Variants in EPHA5 observed in about 807,000 individuals in gnomAD.
The protein encoded by EPHA5 is EPH receptor A5, also known as ephrin type-A receptor 5.
A neutral mutation model predicts 105.0 loss-of-function variants in EPHA5; 60 were observed. The ratio of observed to expected loss-of-function variants is 0.57; its 90% CI spans 0.46 to 0.71. EPHA5 has a LOEUF of 0.71. Ranked by LOEUF, EPHA5 falls within the 30% of genes least tolerant of loss-of-function variation. EPHA5 has a pLI of 0.00. For synonymous variants in EPHA5, 513 were observed against 449.1 expected (o/e 1.14, Z -1.80); for missense variants, 1,218 against 1,274.7 (o/e 0.96, Z 0.68).
chr4:65,345,011 A>T (rs1722080228), intron 14 of EPHA5, among the ~76,000 whole-genome samples: 1 of 152,176 alleles, frequency 6.6e-6, no homozygotes, highest in Admixed American at 6.5e-5. Context: ...TGTGATGGTA[A>T]ATAAGTCATT....
chr4:65,431,136 A>C (rs1724930886), intron 5 of EPHA5, among the ~76,000 whole-genome samples: 2 of 152,262 alleles, frequency 1.3e-5, no homozygotes, highest in East Asian at 3.9e-4. Context: ...ATAAATCCTC[A>C]CAACGATTAA....
chr4:65,372,721 ACC>A (rs1718606740), intron 8 of EPHA5, among the ~76,000 whole-genome samples: 2 of 151,820 alleles, frequency 1.3e-5, no homozygotes, highest in Non-Finnish European at 2.9e-5. Context: ...GGTGCTAACA[ACC>A]CTATGATTAA....
At chr4:65,624,223 G>A (rs1290789836) in intron 2 of EPHA5, among the ~76,000 whole-genome samples, 1 of 152,054 alleles carries the variant, frequency 6.6e-6, no homozygotes, top group African/African-American at 2.4e-5. Flanking sequence ...ATGCTTCAGA[G>A]AATGTTAGAG....
chr4:65,417,092 G>T (rs990270653), intron 6 of EPHA5, among the ~76,000 whole-genome samples: 2 of 152,218 alleles, frequency 1.3e-5, no homozygotes, highest in African/African-American at 4.8e-5. Flanking sequence ...GAGCCAGCTG[G>T]CAAACACCCT....
At position 65,490,632 on chromosome 4, in the gene EPHA5, T is replaced by C. The variant is rs1331418601; in HGVS notation, c.1147A>G (p.Thr383Ala). The C allele has an allele frequency of 1.2e-6, 2 of 1,614,022 alleles. No homozygotes were observed. The highest frequency in any genetic ancestry group is 1.3e-5 in the African/African-American group (1 of 74,910). Residue 383 changes from threonine (T) to alanine (A), a missense_variant, in exon 5 of 17, where the codon ACT becomes GCT. By Grantham distance (58) the Thr-to-Ala change is moderately conservative (BLOSUM62 0). Transcript: ENST00000613740. ...VFLEWIPPAD[T>A]GGRKDVSYYI... is the part of the protein sequence containing the mutation. ...TATGACACGTCTTTCCTTCCACCAG[T>C]GTCAGCAGGCGGAATCCATTCCAGA...
At chr4:65,533,275 T>G (rs947467295) in intron 3 of EPHA5, among the ~76,000 whole-genome samples, 3 of 152,158 alleles carry the variant, frequency 2.0e-5, no homozygotes, top group Admixed American at 2.0e-4. Context: ...TGTTTTCCAT[T>G]TGAAAAATTT....
intron 3 of EPHA5, chr4:65,573,668 G>A: frequency 6.2e-7 from 1 of 1,600,708 alleles, no homozygotes; most frequent in South Asian, 1.1e-5. Flanking sequence ...CCATGTACAA[G>A]AGGAAGTACT....
intron 8 of EPHA5, among the ~76,000 whole-genome samples, chr4:65,379,124 G>A (rs574250183): frequency 1.3e-5 from 2 of 151,924 alleles, no homozygotes; most frequent in East Asian, 1.9e-4. Flanking sequence ...TAACTGCATC[G>A]TGATTGGCTA....
intron 5 of EPHA5, among the ~76,000 whole-genome samples, chr4:65,458,022 C>A (rs974002659): frequency 7.4e-6 from 1 of 134,828 alleles, no homozygotes; most frequent in Non-Finnish European, 1.5e-5. Flanking sequence ...TGCAGTGAGC[C>A]GAGATTACAC....
intron 2 of EPHA5, among the ~76,000 whole-genome samples, chr4:65,632,134 A>G (rs1010495808): frequency 2.0e-5 from 3 of 152,214 alleles, no homozygotes; most frequent in Admixed American, 1.3e-4. Context: ...AGATTAACTA[A>G]TTTGTTACAC....
chr4:65,557,115 T>C (rs1738523598), intron 3 of EPHA5, among the ~76,000 whole-genome samples: 1 of 151,398 alleles, frequency 6.6e-6, no homozygotes, highest in Non-Finnish European at 1.5e-5. Context: ...TTATAATTTA[T>C]ATGGAATATT....
chr4:65,576,167 AAAGGAAGGAAGG>A (rs141356860), intron 3 of EPHA5, among the ~76,000 whole-genome samples: 5 of 148,066 alleles, frequency 3.4e-5, no homozygotes, highest in Non-Finnish European at 7.5e-5. Context: ...GAGAGAAAGT[AAAGGAAGGAAGG>A]AAGGAAGGAA....
chr4:65,473,621 C>A (rs1729503874), intron 5 of EPHA5, among the ~76,000 whole-genome samples: 2 of 151,998 alleles, frequency 1.3e-5, no homozygotes, highest in Admixed American at 6.6e-5. Context: ...GAAACTGGCC[C>A]CATGATACAA....
In EPHA5 at chr4:65,602,308, T is replaced by C. The variant is rs770934174; in HGVS notation, c.247-4A>G. The C allele has an allele frequency of 2.6e-6, 4 of 1,528,738 alleles. No homozygotes were observed. Among genetic ancestry groups the C allele is most frequent in the Admixed American group, 2.2e-5 (1 of 46,044 alleles). The allele number at this position is 1,528,738 out of a possible 1,614,324, so 94.7% of individuals were successfully genotyped here. ...CCACTTCACCAATCTCTTCCCACTG[T>C]ACAATATAAAATAGAAAGATAAAAA... On this transcript the variant is annotated splice_polypyrimidine_tract_variant and splice_region_variant and intron_variant, in intron 2 of 16. Coordinates refer to ENST00000613740, the MANE Select transcript of EPHA5 (RefSeq NM_001281766.3).
chr4:65,592,690 C>G (rs1742786849), intron 3 of EPHA5, among the ~76,000 whole-genome samples: 1 of 152,104 alleles, frequency 6.6e-6, no homozygotes, highest in South Asian at 2.1e-4. Flanking sequence ...CCACCAAAAG[C>G]AAAACACACA....
chr4:65,412,878 T>C (rs1723042787), intron 7 of EPHA5, among the ~76,000 whole-genome samples: 1 of 152,064 alleles, frequency 6.6e-6, no homozygotes, highest in African/African-American at 2.4e-5. Context: ...TAAAACTGAG[T>C]AGAATTTACA....
At chr4:65,651,935 G>A (rs1020541631) in intron 1 of EPHA5, among the ~76,000 whole-genome samples, 9 of 152,088 alleles carry the variant, frequency 5.9e-5, no homozygotes, top group Non-Finnish European at 1.3e-4. Flanking sequence ...GCTAAATTAT[G>A]ACTAATGAGC....
chr4:65,619,670 G>A (rs1032049832), intron 2 of EPHA5, among the ~76,000 whole-genome samples: 1 of 151,868 alleles, frequency 6.6e-6, no homozygotes, highest in Non-Finnish European at 1.5e-5. Context: ...CAGGCTGACA[G>A]AATTAAACAT....
At chr4:65,366,359 C>T (rs1341362072) in intron 9 of EPHA5, among the ~76,000 whole-genome samples, 1 of 151,704 alleles carries the variant, frequency 6.6e-6, no homozygotes, top group Non-Finnish European at 1.5e-5. Flanking sequence ...CCGAACTGGA[C>T]AATGCAATAC....
Sources: allele counts gnomAD v4.1 joint callset (sites outside exome capture counted in the v4.1 genomes callset), GRCh38; gene constraint gnomAD v4.1.1; transcripts MANE v1.5; gene names NCBI Gene and HGNC (gene_info 2026-07-23, HGNC 2026-07-21).